The following EEPD1 variants were observed in gnomAD, a reference collection of about 807,000 sequenced individuals.
EEPD1 encodes the protein endonuclease/exonuclease/phosphatase family domain-containing protein 1.
A neutral mutation model predicts 46.3 loss-of-function variants in EEPD1; 17 were observed. That is an observed-to-expected ratio of 0.37 (90% CI 0.25 to 0.55). EEPD1 has a LOEUF of 0.55. EEPD1 is among the 20% of genes least tolerant of loss of function. The probability of loss-of-function intolerance (pLI) is 0.83; values close to 1 mark genes in which losing one functional copy is unlikely to be tolerated. For missense variants in EEPD1, 673 were observed against 745.6 expected (o/e 0.90, Z 1.13); for synonymous variants, 313 against 315.6 (o/e 0.99, Z 0.09).
chr7:36,185,786 G>T (rs1426129348), intron 2 of EEPD1, among the ~76,000 whole-genome samples: 2 of 152,214 alleles, frequency 1.3e-5, no homozygotes, highest in Non-Finnish European at 2.9e-5. Context: ...TGCCCTTTGT[G>T]TTGGTGACAG....
intron 2 of EEPD1, among the ~76,000 whole-genome samples, chr7:36,165,980 G>A (rs1784976155): frequency 6.6e-6 from 1 of 152,218 alleles, no homozygotes; most frequent in African/African-American, 2.4e-5. Flanking sequence ...ACTGCTCGGA[G>A]AACCGATGAA....
At chr7:36,251,637 A>G (rs565766205) in intron 3 of EEPD1, among the ~76,000 whole-genome samples, 72 of 152,146 alleles carry the variant, frequency 4.7e-4, no homozygotes, top group African/African-American at 1.7e-3. Context: ...TTAAAGGTAA[A>G]TTCTCATCCT....
chr7:36,283,871 C>G (rs1787298804), intron 4 of EEPD1, among the ~76,000 whole-genome samples: 1 of 152,180 alleles, frequency 6.6e-6, no homozygotes, highest in Non-Finnish European at 1.5e-5. Context: ...CTGCTGGCCT[C>G]TCAAATGACA....
intron 2 of EEPD1, among the ~76,000 whole-genome samples, chr7:36,188,800 A>G (rs1785410848): frequency 6.6e-6 from 1 of 152,092 alleles, no homozygotes; most frequent in Non-Finnish European, 1.5e-5. Context: ...CTAATTACAG[A>G]TATTTATTTT....
intron 2 of EEPD1, among the ~76,000 whole-genome samples, chr7:36,162,855 A>C (rs954198228): frequency 7.2e-5 from 11 of 152,182 alleles, no homozygotes; most frequent in African/African-American, 2.4e-4. Flanking sequence ...GCAGTGCTTA[A>C]GCGACAGTAC....
intron 6 of EEPD1, among the ~76,000 whole-genome samples, chr7:36,289,221 T>C (rs919172424): frequency 6.6e-6 from 1 of 152,240 alleles, no homozygotes; most frequent in Non-Finnish European, 1.5e-5. Flanking sequence ...CATATTCAAG[T>C]CAGTGCTACT....
At chr7:36,223,192 G>T (rs1323511896) in intron 2 of EEPD1, among the ~76,000 whole-genome samples, 1 of 149,642 alleles carries the variant, frequency 6.7e-6, no homozygotes, top group African/African-American at 2.5e-5. Context: ...GTAATAATAA[G>T]AAATAAATTT....
At chr7:36,249,887 A>G (rs1195492406) in intron 3 of EEPD1, among the ~76,000 whole-genome samples, 8 of 152,210 alleles carry the variant, frequency 5.3e-5, no homozygotes, top group African/African-American at 1.2e-4. Flanking sequence ...ACAGGTTGTC[A>G]AGAGGGAGGT....
At chr7:36,155,643 T>A (rs1241501036) in intron 2 of EEPD1, among the ~76,000 whole-genome samples, 1 of 152,224 alleles carries the variant, frequency 6.6e-6, no homozygotes, top group East Asian at 1.9e-4. Context: ...AAAATCATCT[T>A]AAAGGCCAAG....
chr7:36,285,258 G>A (rs1047066056), intron 5 of EEPD1, among the ~76,000 whole-genome samples: 11 of 152,192 alleles, frequency 7.2e-5, no homozygotes, highest in Non-Finnish European at 1.6e-4. Context: ...CCAGGTGTTA[G>A]GGAATGGCTG....
intron 6 of EEPD1, among the ~76,000 whole-genome samples, chr7:36,295,229 G>T (rs1787504091): frequency 6.6e-6 from 1 of 151,848 alleles, no homozygotes; most frequent in Non-Finnish European, 1.5e-5. Context: ...GGAGCATCTT[G>T]TCGTGTCAGA....
At chr7:36,200,132 C>T (rs1344724131) in intron 2 of EEPD1, among the ~76,000 whole-genome samples, 1 of 152,002 alleles carries the variant, frequency 6.6e-6, no homozygotes, top group Non-Finnish European at 1.5e-5. Context: ...TCCCTCCTCC[C>T]ACTCTCCATC....
chr7:36,246,674 C>A (rs1389838561), intron 3 of EEPD1, among the ~76,000 whole-genome samples: 1 of 152,116 alleles, frequency 6.6e-6, no homozygotes, highest in South Asian at 2.1e-4. Context: ...GCCTGTCAGT[C>A]CTCCCTGCTG....
At chr7:36,292,877 T>G (rs981112055) in intron 6 of EEPD1, among the ~76,000 whole-genome samples, 1 of 152,292 alleles carries the variant, frequency 6.6e-6, no homozygotes, top group Non-Finnish European at 1.5e-5. Context: ...GTGACCACTC[T>G]TCCTCCTAGC....
At chr7:36,164,435 A>G (rs1485137892) in intron 2 of EEPD1, among the ~76,000 whole-genome samples, 3 of 152,258 alleles carry the variant, frequency 2.0e-5, no homozygotes, top group Non-Finnish European at 4.4e-5. Context: ...TCATTGCACC[A>G]TGGGCATCCA....
chr7:36,271,874 CTATTCTATTG>C (rs1300823256), intron 3 of EEPD1, among the ~76,000 whole-genome samples: 284 of 16,870 alleles, frequency 0.017, 19 homozygotes, highest in South Asian at 0.069. Flanking sequence ...CTATTCTATT[CTATTCTATTG>C]TATTCTATTC....
At chr7:36,155,839 G>A (rs1436197911) in intron 2 of EEPD1, among the ~76,000 whole-genome samples, 4 of 152,046 alleles carry the variant, frequency 2.6e-5, no homozygotes, top group African/African-American at 4.8e-5. Flanking sequence ...AAAATTGGCC[G>A]GATTTTCCCC....
chr7:36,161,251 C>A (rs746951150), intron 2 of EEPD1, among the ~76,000 whole-genome samples: 1 of 152,134 alleles, frequency 6.6e-6, no homozygotes, highest in Non-Finnish European at 1.5e-5. Context: ...GCAGGAAGAC[C>A]CCACTTTGTG....
intron 2 of EEPD1, among the ~76,000 whole-genome samples, chr7:36,219,082 A>G (rs184492884): frequency 4.3e-4 from 66 of 152,302 alleles, no homozygotes; most frequent in Admixed American, 1.9e-3. Context: ...GGAAATATCA[A>G]AAACCAAATC....
Sources: allele counts gnomAD v4.1 joint callset (sites outside exome capture counted in the v4.1 genomes callset), GRCh38; gene constraint gnomAD v4.1.1; transcripts MANE v1.5; gene names NCBI Gene and HGNC (gene_info 2026-07-23, HGNC 2026-07-21).